TLCD4: variants seen among roughly 807,000 people sequenced by gnomAD.
TLCD4 encodes TLC domain-containing protein 4.
Under a neutral mutation model 24.2 loss-of-function variants are expected in TLCD4, and 7 were observed. The ratio of observed to expected loss-of-function variants is 0.29; its 90% confidence interval spans 0.16 to 0.54. TLCD4 has a LOEUF of 0.54. Among genes scored for constraint, TLCD4 ranks in the 20% least tolerant of loss-of-function variants. The pLI is 0.95. For missense variants in TLCD4, 259 were observed against 313.9 expected (o/e 0.82, Z 1.32); for synonymous variants, 103 against 106.4 (o/e 0.97, Z 0.20).
At chr1:95,099,209 C>G in the TLCD4 span, among the ~76,000 whole-genome samples, 1 of 152,136 alleles carries the variant, frequency 6.6e-6, no homozygotes, top group Non-Finnish European at 1.5e-5. Flanking sequence ...GGGCAAATCA[C>G]TTGAGTCCAG....
At chr1:95,126,571 C>G (rs1339231300) in intron 1 of TLCD4, among the ~76,000 whole-genome samples, 2 of 152,120 alleles carry the variant, frequency 1.3e-5, no homozygotes, top group Non-Finnish European at 2.9e-5. Flanking sequence ...TGTGGGTTGG[C>G]TAGGTAGTTA....
intron 2 of TLCD4, among the ~76,000 whole-genome samples, chr1:95,145,920 G>A (rs1677333091): frequency 6.6e-6 from 1 of 152,138 alleles, no homozygotes; most frequent in Non-Finnish European, 1.5e-5. Flanking sequence ...GTATTCAGTG[G>A]TGTTTTCTCT....
In TLCD4 at chr1:95,193,062, AC is replaced by A. The variant is rs1052157351; in HGVS notation, c.*1196del. On this transcript the variant is annotated 3_prime_UTR_variant, in exon 7 of 7. Transcript: ENST00000370203. ...ATCTTCCCTGAGTTCTGAACCCAGC[AC>A]CATCAGTACCAAAGTCTTATGCAAT... 1 of 152,098 alleles carries A rather than the reference AC, an allele frequency of 6.6e-6. No individual in the cohort carries two copies. The highest frequency in any genetic ancestry group is 2.4e-5 in the African/African-American group (1 of 41,424). The allele number at this position is 152,098 out of a possible 1,614,324, so 9.4% of individuals were successfully genotyped here.
At position 95,118,438 on chromosome 1, in the gene TLCD4, TGTG is replaced by T. The variant is rs561870488; in HGVS notation, c.-12+825_-12+827del. ...AATTGTACACACATTTGAGTGTTAA[TGTG>T]GTGCACACTTTTATATGAAATTATG... On this transcript the variant is annotated intron_variant, in intron 1 of 6. Transcript: ENST00000370203. Among the ~76,000 whole-genome samples the T allele has an allele frequency of 2.4e-3, 359 of 152,344 alleles. 3 individuals carry two copies. Among genetic ancestry groups the T allele is most frequent in the Non-Finnish European group, 3.6e-3 (243 of 68,030 alleles).
At chr1:95,147,733 T>G (rs1219622452) in intron 2 of TLCD4, among the ~76,000 whole-genome samples, 2 of 151,558 alleles carry the variant, frequency 1.3e-5, no homozygotes, top group Admixed American at 6.6e-5. Context: ...GAGAGAAAAC[T>G]TTGCTGTACC....
chr1:95,157,002 C>T (rs1677652526), intron 5 of TLCD4, among the ~76,000 whole-genome samples: 1 of 152,036 alleles, frequency 6.6e-6, no homozygotes, highest in Non-Finnish European at 1.5e-5. Flanking sequence ...TAAAAGAATG[C>T]ATTTGGAAAT....
rs1679220965 is a variant in TLCD4 at position 95,196,892 on chromosome 1, T to TA, written c.*5025dup. On this transcript the variant is annotated 3_prime_UTR_variant, in exon 7 of 7. Transcript: ENST00000370203. The stretch of plus-strand genomic sequence containing the variant: ...TTCTGGTATGACTATGTCTACTTTT[T>TA]ATTTAAGGAATTTTGTGTAGATAAT... 6.6e-6 allele frequency: 1 copy of TA among 152,174 alleles called. No individual in the cohort carries two copies. Among genetic ancestry groups the TA allele is most frequent in the African/African-American group, 2.4e-5 (1 of 41,458 alleles). The allele number at this position is 152,174 out of a possible 1,614,324, so 9.4% of individuals were successfully genotyped here.
chr1:95,158,929 C>T (rs542937220), intron 5 of TLCD4, among the ~76,000 whole-genome samples: 2 of 152,234 alleles, frequency 1.3e-5, no homozygotes, highest in South Asian at 2.1e-4. Context: ...TGGGTTGGTT[C>T]CAAGTCTTTG....
intron 5 of TLCD4, 149 bp from the exon 6 acceptor site, chr1:95,173,667 C>A (rs1375803962): frequency 3.3e-6 from 3 of 919,742 alleles, no homozygotes; most frequent in Non-Finnish European, 4.8e-6. Flanking sequence ...CGAAGAAAAT[C>A]AGTTTAACAG....
intron 6 of TLCD4, among the ~76,000 whole-genome samples, chr1:95,187,913 C>T (rs1172893175): frequency 6.6e-6 from 1 of 152,000 alleles, no homozygotes; most frequent in East Asian, 1.9e-4. Context: ...CTCTCTGTGT[C>T]CTCACATGGC....
chr1:95,094,302 ATT>A, the TLCD4 span, among the ~76,000 whole-genome samples: 145 of 145,006 alleles, frequency 1.0e-3, no homozygotes, highest in Non-Finnish European at 1.3e-3. Context: ...GGCTAATTGC[ATT>A]TTTTTTTTTT....
At chr1:95,164,842 G>C (rs1677958486) in intron 5 of TLCD4, 1 of 152,130 alleles carries the variant, frequency 6.6e-6, no homozygotes. Flanking sequence ...TATTATGATT[G>C]TATTAAAATA....
intron 1 of TLCD4, among the ~76,000 whole-genome samples, chr1:95,142,804 AC>A (rs2100935010): frequency 6.6e-6 from 1 of 151,928 alleles, no homozygotes; most frequent in African/African-American, 2.4e-5. Context: ...ACAAAAATTA[AC>A]CGAGTGTGGT....
At chr1:95,102,298 G>A in the TLCD4 span, among the ~76,000 whole-genome samples, 31,464 of 152,098 alleles carry the variant, frequency 0.21, 3,739 homozygotes, top group East Asian at 0.39. Flanking sequence ...AAGAGGAAAA[G>A]GGTGGTATAC....
At chr1:95,116,646 T>C (rs61773101), upstream of TLCD4, among the ~76,000 whole-genome samples, 4,267 of 152,320 alleles carry the variant, frequency 0.028, 78 homozygotes, top group Non-Finnish European at 0.033. Context: ...TTGGAGGCTT[T>C]TGGGGCTGTA....
intron 1 of TLCD4, among the ~76,000 whole-genome samples, chr1:95,141,545 A>G (rs1052620389): frequency 2.0e-5 from 3 of 152,054 alleles, no homozygotes; most frequent in African/African-American, 4.8e-5. Flanking sequence ...TGGCCTCCAG[A>G]TACCTATTTG....
Position 95,195,002 on chromosome 1 carries a change from T to G in TLCD4, c.*3134T>G, listed in dbSNP as rs534068497. On this transcript the variant is annotated 3_prime_UTR_variant, in exon 7 of 7. Transcript: ENST00000370203. The stretch of plus-strand genomic sequence containing the variant: ...AGCCTTACGTTAAGTGAAATACTAT[T>G]TATGTTGTTACCACCCCTAAGAGTG... 4 of 152,338 alleles carry G rather than the reference T, an allele frequency of 2.6e-5. No individual in the cohort carries two copies. The highest frequency in any genetic ancestry group is 9.6e-5 in the African/African-American group (4 of 41,586). 9.4% of individuals were successfully genotyped at this position (152,338 alleles called of 1,614,324 possible). A position where few individuals can be genotyped will look rare whatever the true frequency, so the allele number is the denominator to read the frequency against.
the TLCD4 span, among the ~76,000 whole-genome samples, chr1:95,110,253 C>G: frequency 6.6e-6 from 1 of 151,718 alleles, no homozygotes; most frequent in Non-Finnish European, 1.5e-5. Context: ...TTGACTGATA[C>G]TTTCAGCCCC....
At chr1:95,110,726 A>C in the TLCD4 span, among the ~76,000 whole-genome samples, 1 of 152,032 alleles carries the variant, frequency 6.6e-6, no homozygotes, top group Non-Finnish European at 1.5e-5. Context: ...CTGTCTCTAC[A>C]AAAAATTTAA....
Sources: allele counts gnomAD v4.1 joint callset (sites outside exome capture counted in the v4.1 genomes callset), GRCh38; gene constraint gnomAD v4.1.1; transcripts MANE v1.5; gene names NCBI Gene and HGNC (gene_info 2026-07-23, HGNC 2026-07-21).